DNM2: variants seen among roughly 807,000 people sequenced by gnomAD.
DNM2 encodes the protein dynamin 2.
DNM2 carries 15 observed loss-of-function variants against 99.0 expected under a neutral mutation model. The observed-to-expected ratio is 0.15, with a 90% CI of 0.10 to 0.23. The LOEUF (loss-of-function observed/expected upper bound fraction) is 0.23. DNM2 is among the 10% of genes least tolerant of loss of function. The pLI, the probability that DNM2 is intolerant of heterozygous loss-of-function variation, is 1.00. For missense variants in DNM2, 742 were observed against 1,189.4 expected, an observed-to-expected ratio of 0.62 and a Z score of 5.53; for synonymous variants, 525 against 481.2, an observed-to-expected ratio of 1.09 and a Z score of -1.19.
At chr19:10,742,850 A>G (rs1268207669) in intron 1 of DNM2, among the ~76,000 whole-genome samples, 1 of 151,748 alleles carries the variant, frequency 6.6e-6, no homozygotes, top group Non-Finnish European at 1.5e-5. Flanking sequence ...GTGAAGGTGG[A>G]AGAAGGCCCT....
intron 1 of DNM2, among the ~76,000 whole-genome samples, chr19:10,727,977 T>C (rs898002036): frequency 2.0e-5 from 3 of 152,184 alleles, no homozygotes; most frequent in African/African-American, 7.2e-5. Flanking sequence ...AGCTACAATC[T>C]GAATAAAGGG....
At chr19:10,732,327 G>C (rs1418155996) in intron 1 of DNM2, among the ~76,000 whole-genome samples, 2 of 150,022 alleles carry the variant, frequency 1.3e-5, no homozygotes, top group Non-Finnish European at 3.0e-5. Context: ...AACAGGCCGG[G>C]CGGTGGCTCA....
At chr19:10,797,542 C>T (rs757723723) in intron 10 of DNM2, 24 bp downstream of exon 10, 22 of 1,613,532 alleles carry the variant, frequency 1.4e-5, no homozygotes, top group Middle Eastern at 3.4e-4. Context: ...TTCTCATCTC[C>T]GCATTTGTCC....
chr19:10,758,517 TTCCTCCCTTCCCTC>T (rs2070499926), intron 1 of DNM2, among the ~76,000 whole-genome samples: 1 of 85,296 alleles, frequency 1.2e-5, no homozygotes, highest in Non-Finnish European at 2.4e-5. Context: ...TTTCCTCCCT[TTCCTCCCTTCCCTC>T]CCCTCCCTCC....
intron 1 of DNM2, among the ~76,000 whole-genome samples, chr19:10,744,559 T>C (rs2069890469): frequency 6.6e-6 from 1 of 152,098 alleles, no homozygotes; most frequent in Admixed American, 6.5e-5. Context: ...GGCTGTGGAA[T>C]GCAGACTGTG....
intron 1 of DNM2, among the ~76,000 whole-genome samples, chr19:10,751,454 G>A (rs2070191432): frequency 6.6e-6 from 1 of 152,186 alleles, no homozygotes. Flanking sequence ...CCTGCTAAGT[G>A]GCCAGTGTCA....
rs985845557 is a variant in DNM2 at position 10,830,668 on chromosome 19, T to C, written c.2543+290T>C. ...CCTCACACTGGGCACCTCCTCCCAC[T>C]GTTTACCTTCTTCTCCTTCCTGCTC... On this transcript the variant is annotated intron_variant, in intron 20 of 20. Transcript: ENST00000389253. This position sits in a 1 kb window ranked among gnomAD's most constrained non-coding sequence, Gnocchi z 4.8. 1 of 582,288 alleles carries C rather than the reference T, an allele frequency of 1.7e-6. No individual in the cohort carries two copies. Among genetic ancestry groups the C allele is most frequent in the South Asian group, 2.2e-5 (1 of 45,412 alleles). 36.1% of individuals were successfully genotyped at this position (582,288 alleles called of 1,614,324 possible). A position where few individuals can be genotyped will look rare whatever the true frequency, so the allele number is the denominator to read the frequency against.
chr19:10,814,343 A>G lies in DNM2; in HGVS notation c.1671+1966A>G, dbSNP rs557392607. On this transcript the variant is annotated intron_variant, in intron 15 of 20. Transcript: ENST00000389253. ...ATCTGGCGTGGTGGCGCATACCTGT[A>G]ATCCCAGCTACTCAGGAGGCTGAGG... Among the ~76,000 whole-genome samples the G allele has an allele frequency of 1.2e-4, 18 of 152,226 alleles. No homozygotes were observed. The South Asian group carries it at 3.7e-3, about 32-fold the overall frequency.
At chr19:10,742,011 T>G (rs574708341) in intron 1 of DNM2, among the ~76,000 whole-genome samples, 1 of 152,002 alleles carries the variant, frequency 6.6e-6, no homozygotes, top group South Asian at 2.1e-4. Context: ...CTTCTTTCTT[T>G]TTTTCTTTCT....
chr19:10,788,874 C>T (rs540685298), intron 7 of DNM2, among the ~76,000 whole-genome samples: 6 of 152,344 alleles, frequency 3.9e-5, no homozygotes, highest in African/African-American at 1.4e-4. Context: ...CAGGAGGACA[C>T]CGCCTCCTCT....
Position 10,772,409 on chromosome 19 carries a change from T to C in DNM2, c.236-70T>C. ...CATTACTTTCATTCAACAAAGCATTTCTCCCCGCAGTCCATGCGCACCCTG... is the reference window on the plus strand; with the variant it reads ...CATTACTTTCATTCAACAAAGCATTCCTCCCCGCAGTCCATGCGCACCCTG... On this transcript the variant is annotated intron_variant, in intron 2 of 20. Coordinates refer to ENST00000389253, the MANE Select transcript of DNM2 (RefSeq NM_001005361.3). The surrounding 1 kb of genome is among the most constrained non-coding windows in gnomAD (Gnocchi z 4.9). The C allele has an allele frequency of 6.3e-7, 1 of 1,597,742 alleles. No individual in the cohort carries two copies. The highest frequency in any genetic ancestry group is 2.2e-5 in the East Asian group (1 of 44,764).
chr19:10,742,937 A>G (rs2069810901), intron 1 of DNM2, among the ~76,000 whole-genome samples: 1 of 142,510 alleles, frequency 7.0e-6, no homozygotes, highest in South Asian at 2.2e-4. Flanking sequence ...TTTTTGAGAC[A>G]GAGTCTCCCT....
intron 1 of DNM2, among the ~76,000 whole-genome samples, chr19:10,738,337 C>T (rs2069607113): frequency 6.6e-6 from 1 of 152,196 alleles, no homozygotes; most frequent in Admixed American, 6.5e-5. Flanking sequence ...CACGAGGTGG[C>T]AGGGCATGGT....
intron 1 of DNM2, among the ~76,000 whole-genome samples, chr19:10,752,717 A>G (rs1172840362): frequency 1.3e-5 from 2 of 152,228 alleles, no homozygotes; most frequent in Non-Finnish European, 2.9e-5. Context: ...TTGCATCTGT[A>G]AAATGGAGCC....
rs1361722318 is a variant in DNM2 at position 10,798,270 on chromosome 19, G to A, written c.1336-216G>A. 6.8e-6 allele frequency: 4 copies of A among 587,196 alleles called. No individual in the cohort carries two copies. In the African/African-American group the frequency reaches 7.5e-5, roughly 11 times the overall value. The allele number at this position is 587,196 out of a possible 1,614,324, so 36.4% of individuals were successfully genotyped here. A position where few individuals can be genotyped will look rare whatever the true frequency, so the allele number is the denominator to read the frequency against. Reference sequence around the variant, plus strand: ...CCCCCGGTCACTGGCTGGAAAAGCAGCTCTGCTCTCCTGCTGTCTCCGGTC... The same window carrying A: ...CCCCCGGTCACTGGCTGGAAAAGCAACTCTGCTCTCCTGCTGTCTCCGGTC... On this transcript the variant is annotated intron_variant, in intron 10 of 20. Transcript: ENST00000389253.
intron 5 of DNM2, among the ~76,000 whole-genome samples, chr19:10,780,041 C>T (rs888700444): frequency 9.2e-5 from 14 of 152,110 alleles, no homozygotes; most frequent in East Asian, 1.9e-4. Flanking sequence ...CATGCTTAGC[C>T]GCAGTCATTT....
At chr19:10,823,571 A>G in intron 16 of DNM2, 5 of 568,658 alleles carry the variant, frequency 8.8e-6, no homozygotes, top group Middle Eastern at 3.7e-4. Context: ...AGCTGATCCA[A>G]CAGAAACAAA....
At chr19:10,807,423 G>A (rs2072377835) in intron 13 of DNM2, among the ~76,000 whole-genome samples, 1 of 151,440 alleles carries the variant, frequency 6.6e-6, no homozygotes, top group South Asian at 2.1e-4. Context: ...TGTATTTTTA[G>A]TAGAGAGGGG....
rs759407101 is a variant in DNM2 at position 10,830,232 on chromosome 19, G to T, written c.2397G>T (p.Gly799=). 1 of 1,613,980 alleles carries T rather than the reference G, an allele frequency of 6.2e-7. No individual in the cohort carries two copies. The highest frequency in any genetic ancestry group is 8.5e-7 in the Non-Finnish European group (1 of 1,179,912). ...PGPPLIPVPV[G]AAASFSAPPI... ...CCCCCCTGATTCCTGTTCCCGTGGG[G>T]GCAGCAGCCTCCTTCTCGGCGCCCC... Residue 799 remains glycine (G), a synonymous_variant, in exon 20 of 21, where the codon GGG becomes GGT. Transcript: ENST00000389253. The surrounding 1 kb of genome is among the most constrained non-coding windows in gnomAD (Gnocchi z 4.8).
Sources: gnomAD v4.1 joint callset for allele counts (sites outside exome capture counted in the v4.1 genomes callset) on GRCh38, gnomAD v4.1.1 for gene constraint, Gnocchi (gnomAD v3.1) non-coding constraint, MANE v1.5 for transcripts, NCBI Gene and HGNC (gene_info 2026-07-23, HGNC 2026-07-21) for gene names.